The following SWT1 variants were observed in gnomAD, a reference collection of about 807,000 sequenced individuals.
SWT1 encodes SWT1 RNA endoribonuclease homolog.
SWT1 carries 33 observed loss-of-function variants against 107.3 expected under a neutral mutation model. The ratio of observed to expected loss-of-function variants is 0.31; its 90% CI spans 0.23 to 0.41. SWT1 has a LOEUF of 0.41. Ranked by LOEUF, SWT1 falls within the 10% of genes least tolerant of loss-of-function variation. The pLI, the probability that SWT1 is intolerant of heterozygous loss-of-function variation, is 1.00. For missense variants in SWT1, 898 were observed against 1,028.9 expected (o/e 0.87, Z 1.74); for synonymous variants, 345 against 348.3 (o/e 0.99, Z 0.11).
At chr1:185,262,848 A>G (rs1290995762) in intron 16 of SWT1, among the ~76,000 whole-genome samples, 2 of 147,732 alleles carry the variant, frequency 1.4e-5, no homozygotes, top group African/African-American at 2.5e-5. Flanking sequence ...GTGCAGTGGC[A>G]TGATCTTGGC....
At chr1:185,165,856 T>C (rs919591268) in intron 2 of SWT1, among the ~76,000 whole-genome samples, 7 of 152,230 alleles carry the variant, frequency 4.6e-5, no homozygotes, top group African/African-American at 1.7e-4. Flanking sequence ...GAAAAAACTC[T>C]TTCCCTCAGT....
intron 16 of SWT1, among the ~76,000 whole-genome samples, chr1:185,232,863 A>C (rs551546842): frequency 3.9e-5 from 6 of 152,278 alleles, no homozygotes; most frequent in Non-Finnish European, 4.4e-5. Flanking sequence ...AAACATATTG[A>C]TGCCTGGATC....
chr1:185,259,237 G>C (rs1662848620), intron 16 of SWT1, among the ~76,000 whole-genome samples: 1 of 152,188 alleles, frequency 6.6e-6, no homozygotes, highest in East Asian at 1.9e-4. Context: ...TATGTTAACT[G>C]TTTTAAAGAC....
chr1:185,276,904 A>G (rs1444234993), intron 18 of SWT1, among the ~76,000 whole-genome samples: 1 of 152,044 alleles, frequency 6.6e-6, no homozygotes, highest in Non-Finnish European at 1.5e-5. Context: ...ACTTTGTTAC[A>G]TTTTTTAAAA....
chr1:185,180,339 C>A, intron 5 of SWT1, 52 bp from the exon 6 acceptor site: 7 of 1,446,778 alleles, frequency 4.8e-6, no homozygotes, highest in Non-Finnish European at 6.8e-6. Flanking sequence ...GGTTGAAAAA[C>A]CCTATTTAGG....
intron 16 of SWT1, among the ~76,000 whole-genome samples, chr1:185,266,980 G>A (rs1663450618): frequency 6.6e-6 from 1 of 152,000 alleles, no homozygotes; most frequent in Non-Finnish European, 1.5e-5. Flanking sequence ...TGTTTTAAAT[G>A]GACTATTTCA....
At chr1:185,290,326 T>G (rs906348163) in intron 18 of SWT1, among the ~76,000 whole-genome samples, 1 of 151,836 alleles carries the variant, frequency 6.6e-6, no homozygotes, top group African/African-American at 2.4e-5. Context: ...CATGTAATCC[T>G]AGCACTTTGG....
Position 185,289,277 on chromosome 1 carries a change from A to G in SWT1, c.2574-1397A>G, listed in dbSNP as rs1294172160. ...TTGCACAAATTCTTACATAGCCAAC[A>G]TGAAGACAACCTTGGTGTGATTCCT... On this transcript the variant is annotated intron_variant, in intron 18 of 18. Coordinates refer to ENST00000367500, the MANE Select transcript of SWT1 (RefSeq NM_017673.7). Among the ~76,000 whole-genome samples the G allele has an allele frequency of 3.9e-5, 6 of 152,268 alleles. No individual in the cohort carries two copies. In the East Asian group the frequency reaches 9.6e-4, roughly 24 times the overall value.
At chr1:185,218,275 A>G (rs979591555) in intron 14 of SWT1, among the ~76,000 whole-genome samples, 10 of 152,176 alleles carry the variant, frequency 6.6e-5, no homozygotes, top group Admixed American at 1.3e-4. Context: ...GCTTTGAGAA[A>G]CTAAAATGGA....
intron 18 of SWT1, chr1:185,281,226 G>T: frequency 4.5e-6 from 1 of 221,230 alleles, no homozygotes; most frequent in South Asian, 7.3e-5. Flanking sequence ...CTCTTGTTTT[G>T]GTCATTATTG....
chr1:185,257,554 C>T (rs866515345), intron 16 of SWT1, among the ~76,000 whole-genome samples: 188 of 152,328 alleles, frequency 1.2e-3, no homozygotes, highest in Non-Finnish European at 2.1e-3. Flanking sequence ...CCAGGCGCGT[C>T]TGTCACCCCT....
intron 10 of SWT1, among the ~76,000 whole-genome samples, chr1:185,201,744 C>T (rs916188908): frequency 1.3e-5 from 2 of 152,160 alleles, no homozygotes; most frequent in Non-Finnish European, 2.9e-5. Flanking sequence ...CTTAACTTTC[C>T]AGCTGCCCTG....
At chr1:185,260,929 TG>T (rs1662972773) in intron 16 of SWT1, among the ~76,000 whole-genome samples, 1 of 152,194 alleles carries the variant, frequency 6.6e-6, no homozygotes, top group African/African-American at 2.4e-5. Context: ...ACAAAGTCTT[TG>T]GTTCCTCAAA....
intron 18 of SWT1, 76 bp from the exon 19 acceptor site, chr1:185,290,598 T>C: frequency 9.3e-7 from 1 of 1,077,074 alleles, no homozygotes; most frequent in Middle Eastern, 2.4e-4. Flanking sequence ...AATTAAAATG[T>C]AAAATAAAAT....
intron 3 of SWT1, among the ~76,000 whole-genome samples, chr1:185,167,043 G>A (rs1185236797): frequency 1.3e-5 from 2 of 152,118 alleles, no homozygotes; most frequent in Non-Finnish European, 2.9e-5. Flanking sequence ...TAGTAGCTGG[G>A]ATTACAGGCG....
chr1:185,288,744 T>A (rs1045249450), intron 18 of SWT1, among the ~76,000 whole-genome samples: 1 of 152,190 alleles, frequency 6.6e-6, no homozygotes, highest in Non-Finnish European at 1.5e-5. Flanking sequence ...ACATAGACCA[T>A]CTCCCAGTAG....
At chr1:185,283,184 G>A (rs1664743024) in intron 18 of SWT1, among the ~76,000 whole-genome samples, 1 of 152,072 alleles carries the variant, frequency 6.6e-6, no homozygotes, top group East Asian at 1.9e-4. Context: ...AATAAAGCAA[G>A]GAATTAAGAT....
chr1:185,232,908 G>A (rs1430224366), intron 16 of SWT1, among the ~76,000 whole-genome samples: 1 of 151,994 alleles, frequency 6.6e-6, no homozygotes, highest in African/African-American at 2.4e-5. Context: ...ATTAGTCTGG[G>A]GTGTGCCTGG....
At chr1:185,233,078 C>T (rs1660610436) in intron 16 of SWT1, among the ~76,000 whole-genome samples, 1 of 152,138 alleles carries the variant, frequency 6.6e-6, no homozygotes, top group South Asian at 2.1e-4. Flanking sequence ...CAGGCCCTCT[C>T]AGATTTATTC....
Sources: gnomAD v4.1 joint callset for allele counts (sites outside exome capture counted in the v4.1 genomes callset) on GRCh38, gnomAD v4.1.1 for gene constraint, MANE v1.5 for transcripts, NCBI Gene and HGNC (gene_info 2026-07-23, HGNC 2026-07-21) for gene names.